The following COL19A1 variants were observed in gnomAD, a reference collection of about 807,000 sequenced individuals.
The protein encoded by COL19A1 is collagen alpha-1(XIX) chain.
COL19A1 carries 159 observed loss-of-function variants against 190.2 expected under a neutral mutation model. That is an observed-to-expected ratio of 0.84 (90% confidence interval 0.73 to 0.95). COL19A1 has a LOEUF of 0.95. COL19A1 is among the 40% of genes least tolerant of loss of function. The probability of loss-of-function intolerance (pLI) is 0.00; values close to 1 mark genes in which losing one functional copy is unlikely to be tolerated. For synonymous variants in COL19A1, 509 were observed against 458.9 expected (o/e 1.11, Z -1.39); for missense variants, 1,418 against 1,431.9 (o/e 0.99, Z 0.16).
intron 17 of COL19A1, among the ~76,000 whole-genome samples, chr6:70,125,954 A>G (rs555544350): frequency 1.5e-4 from 23 of 152,258 alleles, no homozygotes; most frequent in African/African-American, 5.3e-4. Flanking sequence ...CTACACTTTA[A>G]ATGGAGAAAA....
intron 41 of COL19A1, among the ~76,000 whole-genome samples, chr6:70,176,155 T>C (rs1231072590): frequency 6.6e-6 from 1 of 152,204 alleles, no homozygotes; most frequent in East Asian, 1.9e-4. Flanking sequence ...TCAAAGTGCT[T>C]AATCTTTTAA....
chr6:69,998,066 C>T (rs536793846), intron 11 of COL19A1, among the ~76,000 whole-genome samples: 1 of 152,174 alleles, frequency 6.6e-6, no homozygotes, highest in East Asian at 1.9e-4. Context: ...CTTAGAATGA[C>T]ATACTCAAAG....
intron 34 of COL19A1, among the ~76,000 whole-genome samples, chr6:70,158,106 T>C (rs555187900): frequency 6.6e-6 from 1 of 152,276 alleles, no homozygotes; most frequent in East Asian, 1.9e-4. Context: ...TCTTTTCCAT[T>C]GTTTCTTCAC....
At chr6:69,876,572 T>C (rs1023512392) in intron 1 of COL19A1, among the ~76,000 whole-genome samples, 2 of 152,234 alleles carry the variant, frequency 1.3e-5, no homozygotes, top group African/African-American at 4.8e-5. Context: ...ATTCCTAGTA[T>C]TATTTCCAAT....
At chr6:70,008,557 T>TA (rs1213627483) in intron 11 of COL19A1, among the ~76,000 whole-genome samples, 1 of 151,924 alleles carries the variant, frequency 6.6e-6, no homozygotes, top group Non-Finnish European at 1.5e-5. Flanking sequence ...ATCTTGCTAT[T>TA]AAAAAAAGCT....
intron 14 of COL19A1, among the ~76,000 whole-genome samples, chr6:70,042,462 TA>T (rs1446314185): frequency 6.6e-6 from 1 of 152,210 alleles, no homozygotes; most frequent in Non-Finnish European, 1.5e-5. Context: ...ACTTTATTGC[TA>T]AAAAATGCTA....
Position 70,142,949 on chromosome 6 carries a change from A to T in COL19A1, c.1626+129A>T, listed in dbSNP as rs2296013. ...CAAAGACATGGGTCATCTATGCCAC[A>T]AAAACTGATCATACCTAATGTCAGG... On this transcript the variant is annotated intron_variant, in intron 23 of 50. Coordinates refer to ENST00000620364, the MANE Select transcript of COL19A1 (RefSeq NM_001858.6). 0.44 allele frequency: 325,012 copies of T among 736,906 alleles called. 73,965 individuals carry two copies. Among genetic ancestry groups the T allele is most frequent in the African/African-American group, 0.57 (32,014 of 56,122 alleles). 45.6% of individuals were successfully genotyped at this position (736,906 alleles called of 1,614,324 possible).
intron 48 of COL19A1, among the ~76,000 whole-genome samples, chr6:70,191,908 T>A (rs957791273): frequency 1.1e-4 from 17 of 152,296 alleles, no homozygotes; most frequent in Middle Eastern, 3.4e-3. Flanking sequence ...TTGATTATTT[T>A]AAATAATAAT....
intron 32 of COL19A1, 35 bp downstream of exon 32, chr6:70,156,266 G>A (rs554253226): frequency 6.2e-7 from 1 of 1,613,062 alleles, no homozygotes; most frequent in African/African-American, 1.3e-5. Context: ...CGATCCCTGT[G>A]GGTTACATGT....
intron 18 of COL19A1, among the ~76,000 whole-genome samples, chr6:70,136,287 T>G (rs1785866682): frequency 6.6e-6 from 1 of 152,162 alleles, no homozygotes; most frequent in Admixed American, 6.6e-5. Context: ...GGTAGCTGTT[T>G]GAGGCTTCAA....
intron 11 of COL19A1, among the ~76,000 whole-genome samples, chr6:70,003,621 T>G (rs1349193821): frequency 1.3e-5 from 2 of 152,202 alleles, no homozygotes; most frequent in Non-Finnish European, 2.9e-5. Flanking sequence ...TTTGCCATTA[T>G]GTAATGCCCT....
chr6:70,143,471 C>T (rs1336456756), intron 23 of COL19A1, among the ~76,000 whole-genome samples: 1 of 152,098 alleles, frequency 6.6e-6, no homozygotes, highest in African/African-American at 2.4e-5. Context: ...AATCCTTGGC[C>T]ATAACTCCTT....
chr6:70,040,865 C>G (rs1302525876), intron 14 of COL19A1, among the ~76,000 whole-genome samples: 3 of 152,076 alleles, frequency 2.0e-5, no homozygotes, highest in Non-Finnish European at 4.4e-5. Flanking sequence ...AATAAACTTG[C>G]AAATCTTATT....
intron 30 of COL19A1, among the ~76,000 whole-genome samples, chr6:70,150,790 G>T (rs1787008667): frequency 1.3e-5 from 2 of 152,096 alleles, no homozygotes; most frequent in Non-Finnish European, 2.9e-5. Flanking sequence ...CCACTGTTGA[G>T]TGAATCACTT....
intron 41 of COL19A1, among the ~76,000 whole-genome samples, chr6:70,174,847 G>T (rs1044079879): frequency 1.3e-5 from 2 of 152,194 alleles, no homozygotes; most frequent in African/African-American, 4.8e-5. Context: ...GGGTTTAGGG[G>T]TTCAAGGTAC....
At chr6:70,174,140 T>A (rs1204488601) in intron 41 of COL19A1, among the ~76,000 whole-genome samples, 1 of 152,168 alleles carries the variant, frequency 6.6e-6, no homozygotes, top group Non-Finnish European at 1.5e-5. Flanking sequence ...AGGCCATTAA[T>A]CTGAGAGCAA....
intron 5 of COL19A1, among the ~76,000 whole-genome samples, chr6:69,928,719 A>G (rs1169973266): frequency 6.6e-6 from 1 of 152,190 alleles, no homozygotes; most frequent in Non-Finnish European, 1.5e-5. Flanking sequence ...GAGAGCATAT[A>G]GAAGAGATGG....
intron 4 of COL19A1, among the ~76,000 whole-genome samples, chr6:69,926,635 C>T (rs562434554): frequency 6.6e-6 from 1 of 152,040 alleles, no homozygotes; most frequent in Non-Finnish European, 1.5e-5. Flanking sequence ...AGTTCCAAGA[C>T]TGTGTGATAC....
intron 2 of COL19A1, among the ~76,000 whole-genome samples, chr6:69,882,435 T>C (rs886553959): frequency 5.3e-5 from 8 of 152,212 alleles, no homozygotes; most frequent in African/African-American, 1.9e-4. Flanking sequence ...TGTTAAAATA[T>C]ATACAATGCT....
Sources: gnomAD v4.1 joint callset for allele counts (sites outside exome capture counted in the v4.1 genomes callset) on GRCh38, gnomAD v4.1.1 for gene constraint, MANE v1.5 for transcripts, NCBI Gene and HGNC (gene_info 2026-07-23, HGNC 2026-07-21) for gene names.